Variants in RPS6KA6 observed in about 807,000 individuals in gnomAD.
RPS6KA6 encodes the protein ribosomal protein S6 kinase A6.
Under a neutral mutation model 65.4 loss-of-function variants are expected in RPS6KA6, and 27 were observed. That is an observed-to-expected ratio of 0.41 (90% CI 0.30 to 0.57). The LOEUF (loss-of-function observed/expected upper bound fraction) is 0.57. Among genes scored for constraint, RPS6KA6 ranks in the 20% least tolerant of loss-of-function variants. The pLI is 0.24. For missense variants in RPS6KA6, 486 were observed against 555.6 expected (o/e 0.87, Z 1.26); for synonymous variants, 190 against 184.2 (o/e 1.03, Z -0.26).
rs778199784 is a variant in RPS6KA6, at chrX:84,120,007, A to G, written c.667T>C (p.Ser223Pro). The part of the protein sequence containing the change: ...KLTDFGLSKE[S>P]VDQEKKAYSF... ...TAAGCCTTCTTTTCTTGATCTACTG[A>G]CTCCTTGCTGAGTCCAAAATCTATA... is the stretch of plus-strand genomic sequence containing the variant. Residue 223 changes from serine (S) to proline (P), a missense_variant, in exon 9 of 22, where the codon TCA (serine) becomes CCA (proline). By Grantham distance (74) the Ser-to-Pro change is moderately conservative (BLOSUM62 -1). Transcript: ENST00000262752. 3.4e-6 allele frequency: 4 copies of G among 1,185,632 alleles called. No individual in the cohort carries two copies. The South Asian group carries it at 7.8e-5, about 23-fold the overall frequency.
intron 3 of RPS6KA6, among the ~76,000 whole-genome samples, chrX:84,150,860 G>T (rs868343434): frequency 6.0e-4 from 56 of 93,463 alleles, no homozygotes; most frequent in East Asian, 1.1e-3. Flanking sequence ...TATATATATA[G>T]AGGATATATA....
intron 6 of RPS6KA6, among the ~76,000 whole-genome samples, chrX:84,142,554 C>T (rs1293927784): frequency 9.0e-6 from 1 of 110,864 alleles, no homozygotes; most frequent in Non-Finnish European, 1.9e-5. Context: ...ATCAATGAAA[C>T]CAAAAGCTGT....
At chrX:84,098,084 T>C (rs1260359240) in intron 18 of RPS6KA6, among the ~76,000 whole-genome samples, 1 of 111,444 alleles carries the variant, frequency 9.0e-6, no homozygotes, top group East Asian at 2.8e-4. Context: ...GAGATTTTAA[T>C]GTATACTATA....
intron 17 of RPS6KA6, among the ~76,000 whole-genome samples, chrX:84,102,597 A>G (rs1425590149): frequency 9.1e-6 from 1 of 109,883 alleles, no homozygotes; most frequent in Non-Finnish European, 1.9e-5. Context: ...CCTACTCAAC[A>G]CCCCCCTCCT....
At chrX:84,075,584 C>A (rs1165408146) in intron 20 of RPS6KA6, among the ~76,000 whole-genome samples, 1 of 110,356 alleles carries the variant, frequency 9.1e-6, no homozygotes, top group Non-Finnish European at 1.9e-5. Flanking sequence ...TTCATCAAGG[C>A]ACATCAAACC....
chrX:84,094,858 T>A lies in RPS6KA6; in HGVS notation c.1971+1336A>T, dbSNP rs1266872240. ...ATATGCATGGCTTTAAACATTAAAA[T>A]TGATCCTTGGTAAAATGTATTTTCT... On this transcript the variant is annotated intron_variant, in intron 20 of 21. Coordinates refer to ENST00000262752, the MANE Select transcript of RPS6KA6 (RefSeq NM_014496.5). 2.0e-4 allele frequency among the ~76,000 whole-genome samples: 22 copies of A among 111,244 alleles called. No individual in the cohort carries two copies. The Admixed American group carries it at 2.1e-3, about 11-fold the overall frequency.
At chrX:84,149,986 T>C (rs1397316053) in intron 3 of RPS6KA6, among the ~76,000 whole-genome samples, 1 of 112,107 alleles carries the variant, frequency 8.9e-6, no homozygotes, top group Non-Finnish European at 1.9e-5. Context: ...CCTTCAAGAG[T>C]TACTTTAGCT....
In RPS6KA6 at chrX:84,165,373, T is replaced by C. The variant is rs762644473; in HGVS notation, c.82-986A>G. Among the ~76,000 whole-genome samples the C allele has an allele frequency of 2.6e-3, 293 of 111,395 alleles. 2 individuals are homozygous for C. Among genetic ancestry groups the C allele is most frequent in the African/African-American group, 9.3e-3 (285 of 30,715 alleles). ...CCTATTATAAACTAAAATCCTTATG[T>C]AGAATACAAAAAGAAACTACATAAG... On this transcript the variant is annotated intron_variant, in intron 1 of 21. Transcript: ENST00000262752.
chrX:84,067,680 T>C (rs1176380019), intron 20 of RPS6KA6, among the ~76,000 whole-genome samples: 2 of 111,682 alleles, frequency 1.8e-5, no homozygotes, highest in African/African-American at 6.5e-5. Flanking sequence ...TGGAACCAAG[T>C]TGGAAAACAC....
At chrX:84,119,531 C>T (rs140795311) in intron 9 of RPS6KA6, among the ~76,000 whole-genome samples, 16 of 111,568 alleles carry the variant, frequency 1.4e-4, no homozygotes, top group Non-Finnish European at 2.1e-4. Context: ...GACAATAAGA[C>T]ACTATATGGT....
chrX:84,092,219 A>G (rs1602396380), intron 20 of RPS6KA6, among the ~76,000 whole-genome samples: 1 of 109,047 alleles, frequency 9.2e-6, no homozygotes, highest in Non-Finnish European at 1.9e-5. Context: ...TATACTTTTC[A>G]AAAAAAAAAT....
rs988665188 is a variant in RPS6KA6 at position 84,146,207 on chromosome X, T to C, written c.422-650A>G. On this transcript the variant is annotated intron_variant, in intron 5 of 21. Coordinates refer to ENST00000262752, the MANE Select transcript of RPS6KA6 (RefSeq NM_014496.5). Reference sequence around the variant, plus strand: ...ACACGGGAAGGTCTTTAGATGTTACTTTTTTTATTCTGTTAGTATAACAAG... The same window carrying C: ...ACACGGGAAGGTCTTTAGATGTTACCTTTTTTATTCTGTTAGTATAACAAG... 3.6e-5 allele frequency among the ~76,000 whole-genome samples: 4 copies of C among 111,696 alleles called. No individual in the cohort carries two copies. The East Asian group carries it at 1.1e-3, about 31-fold the overall frequency.
intron 18 of RPS6KA6, among the ~76,000 whole-genome samples, chrX:84,101,305 T>A (rs1316071083): frequency 9.0e-6 from 1 of 111,036 alleles, no homozygotes; most frequent in East Asian, 2.8e-4. Context: ...CAACTTCACT[T>A]TCACTGCTAT....
At chrX:84,159,088 TTATA>T (rs762251148) in intron 2 of RPS6KA6, among the ~76,000 whole-genome samples, 5 of 111,098 alleles carry the variant, frequency 4.5e-5, no homozygotes, top group African/African-American at 1.3e-4. Context: ...GTGTATGTGT[TTATA>T]TATAGCTACT....
intron 6 of RPS6KA6, among the ~76,000 whole-genome samples, chrX:84,137,233 C>T (rs942043346): frequency 1.8e-5 from 2 of 111,393 alleles, no homozygotes; most frequent in African/African-American, 6.5e-5. Flanking sequence ...ATTTAGTGAC[C>T]TCATTTATCC....
At chrX:84,142,265 A>G (rs1490991501) in intron 6 of RPS6KA6, among the ~76,000 whole-genome samples, 1 of 111,773 alleles carries the variant, frequency 8.9e-6, no homozygotes, top group Non-Finnish European at 1.9e-5. Context: ...ACTTCTAAAT[A>G]TCAATGGGTC....
chrX:84,111,921 T>C (rs749883325), intron 12 of RPS6KA6, among the ~76,000 whole-genome samples: 13 of 111,590 alleles, frequency 1.2e-4, no homozygotes, highest in Non-Finnish European at 2.1e-4. Flanking sequence ...ACCAACCATC[T>C]GCTGCCAAAA....
At chrX:84,082,444 A>C (rs1039256244) in intron 20 of RPS6KA6, among the ~76,000 whole-genome samples, 2 of 111,816 alleles carry the variant, frequency 1.8e-5, no homozygotes, top group Non-Finnish European at 1.9e-5. Context: ...AGGAAATAAG[A>C]GAGGACACAA....
At chrX:84,080,869 G>A (rs758275600) in intron 20 of RPS6KA6, among the ~76,000 whole-genome samples, 22 of 111,559 alleles carry the variant, frequency 2.0e-4, no homozygotes, top group African/African-American at 4.9e-4. Context: ...ACGTGCTCCC[G>A]AATGGCTACT....
Sources: gnomAD v4.1 joint callset for allele counts (sites outside exome capture counted in the v4.1 genomes callset) on GRCh38, gnomAD v4.1.1 for gene constraint, MANE v1.5 for transcripts, NCBI Gene and HGNC (gene_info 2026-07-23, HGNC 2026-07-21) for gene names.